GGT7: variants seen among roughly 807,000 people sequenced by gnomAD.
GGT7 encodes the protein glutathione hydrolase 7.
Under a neutral mutation model 69.2 loss-of-function variants are expected in GGT7, and 30 were observed. The observed-to-expected ratio is 0.43, with a 90% CI of 0.32 to 0.59. GGT7 has a LOEUF of 0.59. Ranked by LOEUF, GGT7 falls within the 20% of genes least tolerant of loss-of-function variation. The pLI, the probability that GGT7 is intolerant of heterozygous loss-of-function variation, is 0.05. For synonymous variants in GGT7, 388 were observed against 391.8 expected, an observed-to-expected ratio of 0.99 and a Z score of 0.12; for missense variants, 733 against 901.1, an observed-to-expected ratio of 0.81 and a Z score of 2.39.
At chr20:34,871,346 C>T (rs562422926) in intron 1 of GGT7, among the ~76,000 whole-genome samples, 68 of 152,226 alleles carry the variant, frequency 4.5e-4, no homozygotes, top group African/African-American at 1.5e-3. Context: ...TGAGTCAGGG[C>T]TGTATTAGGA....
chr20:34,859,377 C>A (rs920738264), intron 7 of GGT7, 66 bp downstream of exon 7: 1 of 1,261,376 alleles, frequency 7.9e-7, no homozygotes, highest in Non-Finnish European at 1.1e-6. Context: ...GGAAAAAATG[C>A]GGACGCGGAT....
chr20:34,856,921 C>T lies in GGT7; in HGVS notation c.1015-28G>A, dbSNP rs373883877. On this transcript the variant is annotated intron_variant, in intron 7 of 14. Transcript: ENST00000336431. Reference sequence around the variant, plus strand: ...GGAGGGAAGAGAATGAGGGAATGACCTCCCACCACTGTGACATGGTGGTTT... The same window carrying T: ...GGAGGGAAGAGAATGAGGGAATGACTTCCCACCACTGTGACATGGTGGTTT... 121 of 1,356,608 alleles carry T rather than the reference C, an allele frequency of 8.9e-5. 1 individual carries two copies. Among genetic ancestry groups the T allele is most frequent in the Middle Eastern group, 3.6e-4 (2 of 5,612 alleles). The allele number at this position is 1,356,608 out of a possible 1,614,324, so 84.0% of individuals were successfully genotyped here. A position where few individuals can be genotyped will look rare whatever the true frequency, so the allele number is the denominator to read the frequency against.
chr20:34,869,891 G>C (rs537848839), intron 1 of GGT7, among the ~76,000 whole-genome samples: 1 of 152,262 alleles, frequency 6.6e-6, no homozygotes, highest in East Asian at 1.9e-4. Context: ...GGGAGAGAAA[G>C]GAACACAAGG....
At chr20:34,853,700 A>G (rs1193577226) in intron 10 of GGT7, among the ~76,000 whole-genome samples, 7 of 152,194 alleles carry the variant, frequency 4.6e-5, no homozygotes. Context: ...AAAGCTTTAC[A>G]TGTATGATTT....
Position 34,872,629 on chromosome 20 carries a change from G to A in GGT7, c.169+18C>T, listed in dbSNP as rs756311673. Reference sequence around the variant, plus strand: ...GGACTTCCCAAGGCAGGGCAGGGACGGGGTCAGCGGGCCTCACCGGTGTCG... The same window carrying A: ...GGACTTCCCAAGGCAGGGCAGGGACAGGGTCAGCGGGCCTCACCGGTGTCG... On this transcript the variant is annotated intron_variant, in intron 1 of 14. Transcript: ENST00000336431. 10 of 1,439,290 alleles carry A rather than the reference G, an allele frequency of 6.9e-6. No individual in the cohort carries two copies. Among genetic ancestry groups the A allele is most frequent in the Non-Finnish European group, 9.1e-6 (10 of 1,095,616 alleles). 89.2% of individuals were successfully genotyped at this position (1,439,290 alleles called of 1,614,324 possible).
intron 14 of GGT7, among the ~76,000 whole-genome samples, chr20:34,846,846 C>T (rs1325537064): frequency 6.6e-6 from 1 of 152,166 alleles, no homozygotes; most frequent in Non-Finnish European, 1.5e-5. Context: ...TGTATTCCAG[C>T]CACATTGACC....
chr20:34,845,324 T>C lies in GGT7; in HGVS notation c.*4A>G. 1 of 1,612,454 alleles carries C rather than the reference T, an allele frequency of 6.2e-7. No homozygotes were observed. Among genetic ancestry groups the C allele is most frequent in the Non-Finnish European group, 8.5e-7 (1 of 1,179,232 alleles). ...GAGCAGAGACCCCGCCCCACCCCGC[T>C]GCTCTACAGGATGGTGGCTCCAGCT... On this transcript the variant is annotated 3_prime_UTR_variant, in exon 15 of 15. Coordinates refer to ENST00000336431, the MANE Select transcript of GGT7 (RefSeq NM_178026.3).
chr20:34,859,945 C>G (rs1403220345), intron 6 of GGT7, 24 bp downstream of exon 6: 1 of 1,482,728 alleles, frequency 6.7e-7, no homozygotes, highest in Admixed American at 2.0e-5. Context: ...TCATGTCTCT[C>G]CCAAATCCCC....
At chr20:34,860,222 G>GGGTCGCT (rs774875253) in intron 5 of GGT7, 32 bp downstream of exon 5, 3 of 1,512,028 alleles carry the variant, frequency 2.0e-6, no homozygotes, top group Non-Finnish European at 2.8e-6. Flanking sequence ...ATGCAAACGG[G>GGGTCGCT]GGTCCCTGGT....
chr20:34,863,241 T>C lies in GGT7; in HGVS notation c.405+72A>G. 8.6e-7 allele frequency: 1 copy of C among 1,164,078 alleles called. No individual in the cohort carries two copies. The highest frequency in any genetic ancestry group is 1.5e-5 in the South Asian group (1 of 68,740). The allele number at this position is 1,164,078 out of a possible 1,614,324, so 72.1% of individuals were successfully genotyped here. ...TCTACCACTCAGCCATTCCCCAGTT[T>C]CCACAGTTCCTCAAACATTACCCCA... On this transcript the variant is annotated intron_variant, in intron 2 of 14. Transcript: ENST00000336431. This position sits in a 1 kb window ranked among gnomAD's most constrained non-coding sequence, Gnocchi z 4.4.
chr20:34,863,614 G>A lies in GGT7; in HGVS notation c.170-66C>T, dbSNP rs1277194696. 5 of 1,078,072 alleles carry A rather than the reference G, an allele frequency of 4.6e-6. No homozygotes were observed. The East Asian group carries it at 7.7e-5, about 17-fold the overall frequency. The allele number at this position is 1,078,072 out of a possible 1,614,324, so 66.8% of individuals were successfully genotyped here. On this transcript the variant is annotated intron_variant, in intron 1 of 14. Transcript: ENST00000336431. The surrounding 1 kb of genome is among the most constrained non-coding windows in gnomAD (Gnocchi z 4.4). Reference sequence around the variant, plus strand: ...CTGGCCCTGCCCACCCTCCAGGTGGGACTATTCAGCGCTTTCCCTGCCCCG... The same window carrying A: ...CTGGCCCTGCCCACCCTCCAGGTGGAACTATTCAGCGCTTTCCCTGCCCCG...
intron 8 of GGT7, among the ~76,000 whole-genome samples, chr20:34,855,267 T>C (rs2079471678): frequency 1.3e-5 from 2 of 152,334 alleles, no homozygotes; most frequent in East Asian, 3.9e-4. Flanking sequence ...TGGCCTGTCA[T>C]GTGTCTCCTT....
At chr20:34,867,303 A>G (rs2079707740) in intron 1 of GGT7, among the ~76,000 whole-genome samples, 2 of 152,238 alleles carry the variant, frequency 1.3e-5, no homozygotes, top group South Asian at 4.1e-4. Flanking sequence ...AGCATTTTAC[A>G]TATATTCCTT....
chr20:34,847,395 G>C (rs540108992), intron 14 of GGT7, among the ~76,000 whole-genome samples: 1 of 152,208 alleles, frequency 6.6e-6, no homozygotes, highest in Non-Finnish European at 1.5e-5. Context: ...TAATCTTAAG[G>C]CTGACCTCTG....
In GGT7 at chr20:34,863,412, G is replaced by A; in HGVS notation, c.306C>T (p.Cys102=). ...CGATGACCGTGAGCCCATCCTGGCG[G>A]CAGGAGCACTCGGCCGCTGCGGCGG... is the stretch of plus-strand genomic sequence containing the variant. ...PFSAAAAECS[C]RQDGLTVIVT... The change falls in exon 2 of 15, where the codon TGC becomes TGT. Residue 102 remains cysteine (C), a synonymous_variant. Transcript: ENST00000336431. This position sits in a 1 kb window ranked among gnomAD's most constrained non-coding sequence, Gnocchi z 4.4. 6.2e-7 allele frequency: 1 copy of A among 1,613,884 alleles called. No individual in the cohort carries two copies. The highest frequency in any genetic ancestry group is 1.1e-5 in the South Asian group (1 of 91,082).
chr20:34,859,082 C>T (rs929365788), intron 7 of GGT7, among the ~76,000 whole-genome samples: 2 of 151,784 alleles, frequency 1.3e-5, no homozygotes, highest in African/African-American at 4.8e-5. Context: ...AGGCAGGAGA[C>T]TCACTTGAAC....
At chr20:34,845,798 G>A (rs1231175646) in intron 14 of GGT7, among the ~76,000 whole-genome samples, 1 of 152,152 alleles carries the variant, frequency 6.6e-6, no homozygotes, top group African/African-American at 2.4e-5. Context: ...AGTGGCTCAT[G>A]CCTGTAATCC....
At position 34,863,410 on chromosome 20, in the gene GGT7, C is replaced by T; in HGVS notation, c.308G>A (p.Arg103His). Residue 103 changes from arginine (R) to histidine (H), a missense_variant, in exon 2 of 15, where the codon CGC becomes CAC. Coordinates refer to ENST00000336431, the MANE Select transcript of GGT7 (RefSeq NM_178026.3). This position sits in a 1 kb window ranked among gnomAD's most constrained non-coding sequence, Gnocchi z 4.4. ...FSAAAAECSC[R>H]QDGLTVIVTA... ...GACGATGACCGTGAGCCCATCCTGGCGGCAGGAGCACTCGGCCGCTGCGGC... is the reference window on the plus strand; with the variant it reads ...GACGATGACCGTGAGCCCATCCTGGTGGCAGGAGCACTCGGCCGCTGCGGC... 1 of 1,613,862 alleles carries T rather than the reference C, an allele frequency of 6.2e-7. No individual in the cohort carries two copies. Among genetic ancestry groups the T allele is most frequent in the Non-Finnish European group, 8.5e-7 (1 of 1,180,004 alleles).
chr20:34,846,499 G>A (rs2079309470), intron 14 of GGT7, among the ~76,000 whole-genome samples: 1 of 151,746 alleles, frequency 6.6e-6, no homozygotes, highest in South Asian at 2.1e-4. Flanking sequence ...TGTAGAGGTG[G>A]GGGTTTATCC....
Sources: gnomAD v4.1 joint callset for allele counts (sites outside exome capture counted in the v4.1 genomes callset) on GRCh38, gnomAD v4.1.1 for gene constraint, Gnocchi (gnomAD v3.1) non-coding constraint, MANE v1.5 for transcripts, NCBI Gene and HGNC (gene_info 2026-07-23, HGNC 2026-07-21) for gene names.